The following OXNAD1 variants were observed in gnomAD, a reference collection of about 807,000 sequenced individuals.
The protein encoded by OXNAD1 is oxidoreductase NAD-binding domain-containing protein 1.
Under a neutral mutation model 32.9 loss-of-function variants are expected in OXNAD1, and 34 were observed. The observed-to-expected ratio is 1.03, with a 90% CI of 0.79 to 1.38. The LOEUF (loss-of-function observed/expected upper bound fraction) is 1.38. OXNAD1 is among the 40% of genes most tolerant of loss of function. The pLI is 0.00. For synonymous variants in OXNAD1, 134 were observed against 135.2 expected (o/e 0.99, Z 0.06); for missense variants, 407 against 379.4 (o/e 1.07, Z -0.60).
chr3:16,350,492 C>CT (rs11324617), downstream of OXNAD1, among the ~76,000 whole-genome samples: 3,754 of 146,528 alleles, frequency 0.026, 121 homozygotes, highest in African/African-American at 0.081. Context: ...AGATGAATCA[C>CT]TTTTTTTTTT....
Position 16,329,604 on chromosome 3 carries a change from A to G in OXNAD1, c.*31-7508A>G, listed in dbSNP as rs536365177. ...ATTCCTCCTGCTGGGTGCCACGCTC[A>G]CCACCTGCTGAAGGAGTCCTGAGGC... On this transcript the variant is annotated intron_variant, in intron 9 of 9. Coordinates refer to the OXNAD1 transcript ENST00000435829. This position sits in a 1 kb window ranked among gnomAD's most constrained non-coding sequence, Gnocchi z 4.5. Among the ~76,000 whole-genome samples the G allele has an allele frequency of 2.6e-5, 4 of 152,220 alleles. No individual in the cohort carries two copies. The highest frequency in any genetic ancestry group is 9.6e-5 in the African/African-American group (4 of 41,536).
In OXNAD1 at chr3:16,299,978, G is replaced by T. The variant is rs926871081; in HGVS notation, c.433-1648G>T. 1.3e-5 allele frequency among the ~76,000 whole-genome samples: 2 copies of T among 152,222 alleles called. No individual in the cohort carries two copies. The highest frequency in any genetic ancestry group is 4.8e-5 in the African/African-American group (2 of 41,452). On this transcript the variant is annotated intron_variant, in intron 6 of 8. Coordinates refer to ENST00000285083, the MANE Select transcript of OXNAD1 (RefSeq NM_138381.5). This position sits in a 1 kb window ranked among gnomAD's most constrained non-coding sequence, Gnocchi z 4.4. ...GTTCATGTTCACACCAACCCTGTGA[G>T]GTGGGCAGTGCAGGTGCTGGTACCC... is the stretch of plus-strand genomic sequence containing the variant.
At chr3:16,273,407 CAG>C (rs2065098846) in intron 4 of OXNAD1, among the ~76,000 whole-genome samples, 1 of 109,310 alleles carries the variant, frequency 9.1e-6, no homozygotes, top group Admixed American at 1.1e-4. Context: ...TTTTTTGAGA[CAG>C]AGTCTTGCTC....
chr3:16,338,213 C>G (rs974918513), downstream of OXNAD1, among the ~76,000 whole-genome samples: 29 of 152,348 alleles, frequency 1.9e-4, no homozygotes, highest in African/African-American at 5.5e-4. The surrounding 1 kb of genome is among the most constrained non-coding windows in gnomAD (Gnocchi z 5.3). Context: ...CAGGAGATGG[C>G]ATGCATCCTT....
chr3:16,278,240 T>C (rs1453362431), intron 4 of OXNAD1, among the ~76,000 whole-genome samples: 3 of 152,240 alleles, frequency 2.0e-5, no homozygotes, highest in Non-Finnish European at 4.4e-5. Flanking sequence ...CAGAAGACTT[T>C]ATGCACCTAA....
chr3:16,275,090 T>G (rs1001570487), intron 4 of OXNAD1: 4 of 160,834 alleles, frequency 2.5e-5, no homozygotes, highest in Non-Finnish European at 5.7e-5. Context: ...TGTAAAACAG[T>G]TTTTTATCAT....
At chr3:16,319,949 T>TA (rs11444742) in intron 9 of OXNAD1, among the ~76,000 whole-genome samples, 2,177 of 152,256 alleles carry the variant, frequency 0.014, 65 homozygotes, top group African/African-American at 0.05. Context: ...AAGCCGCAGA[T>TA]AAAACAGGTT....
Position 16,322,342 on chromosome 3 carries a change from G to C in OXNAD1, c.*31-14770G>C, listed in dbSNP as rs1219157453. On this transcript the variant is annotated intron_variant, in intron 9 of 9. Coordinates refer to the OXNAD1 transcript ENST00000435829. This position sits in a 1 kb window ranked among gnomAD's most constrained non-coding sequence, Gnocchi z 6.2. ...CCACAAGTGGGCTCCCCCTGGAGTT[G>C]TTGGCTGGTGAGGGGCTGCTCCAAT... Among the ~76,000 whole-genome samples the C allele has an allele frequency of 1.3e-5, 2 of 152,236 alleles. No individual in the cohort carries two copies. Among genetic ancestry groups the C allele is most frequent in the African/African-American group, 2.4e-5 (1 of 41,470 alleles).
chr3:16,330,082 T>C (rs2070158858), intron 9 of OXNAD1, among the ~76,000 whole-genome samples: 1 of 152,208 alleles, frequency 6.6e-6, no homozygotes, highest in Non-Finnish European at 1.5e-5. Flanking sequence ...GGGTAGGAGA[T>C]GTCAGCCAGA....
rs150823182 is a variant in OXNAD1, at chr3:16,302,821, A to T, written c.784+73A>T. 1 of 1,146,654 alleles carries T rather than the reference A, an allele frequency of 8.7e-7. No individual in the cohort carries two copies. Among genetic ancestry groups the T allele is most frequent in the Non-Finnish European group, 1.3e-6 (1 of 782,146 alleles). The allele number at this position is 1,146,654 out of a possible 1,614,324, so 71.0% of individuals were successfully genotyped here. A position where few individuals can be genotyped will look rare whatever the true frequency, so the allele number is the denominator to read the frequency against. On this transcript the variant is annotated intron_variant, in intron 8 of 8. Coordinates refer to ENST00000285083, the MANE Select transcript of OXNAD1 (RefSeq NM_138381.5). The surrounding 1 kb of genome is among the most constrained non-coding windows in gnomAD (Gnocchi z 4.2). ...GGACACACCAGTTGGTTGAGCGTAGATGCTTTATTGTTGGAAGCTGCTGGC... is the reference window on the plus strand; with the variant it reads ...GGACACACCAGTTGGTTGAGCGTAGTTGCTTTATTGTTGGAAGCTGCTGGC...
rs1255057319 is a variant in OXNAD1, at chr3:16,287,611, T to C, written c.290+1163T>C. ...CCATATTTCCTTTCTGTGGAAATGT[T>C]TGTGTCCTGTGCAAAGCACTGTCTC... On this transcript the variant is annotated intron_variant, in intron 5 of 8. Transcript: ENST00000285083. The surrounding 1 kb of genome is among the most constrained non-coding windows in gnomAD (Gnocchi z 4.8). 2.0e-5 allele frequency among the ~76,000 whole-genome samples: 3 copies of C among 152,228 alleles called. No homozygotes were observed. The highest frequency in any genetic ancestry group is 4.4e-5 in the Non-Finnish European group (3 of 68,034).
Position 16,286,403 on chromosome 3 carries a change from G to T in OXNAD1, c.245G>T (p.Arg82Leu). The T allele has an allele frequency of 2.5e-6, 4 of 1,613,918 alleles. No individual in the cohort carries two copies. Among genetic ancestry groups the T allele is most frequent in the Non-Finnish European group, 3.4e-6 (4 of 1,179,832 alleles). Reference sequence around the variant, plus strand: ...GAGTCACCGTCAGTGAAGAGCCTCCGCTTGCTTGTTGCTGATCAAGACTTT... The same window carrying T: ...GAGTCACCGTCAGTGAAGAGCCTCCTCTTGCTTGTTGCTGATCAAGACTTT... The part of the protein sequence containing the change: ...ASESPSVKSL[R>L]LLVADQDFSF... Residue 82 changes from arginine to leucine, a missense_variant, in exon 5 of 9, where the codon CGC becomes CTC. Arg to Leu is a moderately radical substitution (Grantham distance 102, BLOSUM62 -2). Transcript: ENST00000285083.
At chr3:16,308,128 A>T (rs889508713), downstream of OXNAD1, among the ~76,000 whole-genome samples, 28 of 152,146 alleles carry the variant, frequency 1.8e-4, no homozygotes, top group African/African-American at 6.5e-4. This position sits in a 1 kb window ranked among gnomAD's most constrained non-coding sequence, Gnocchi z 4.4. Flanking sequence ...TTGGGAAACT[A>T]TTTTTTTGTA....
At chr3:16,272,622 GTGTT>G (rs2065028712) in intron 4 of OXNAD1, among the ~76,000 whole-genome samples, 2 of 142,842 alleles carry the variant, frequency 1.4e-5, no homozygotes, top group Non-Finnish European at 3.0e-5. Context: ...TAAGGGTAAT[GTGTT>G]TGTTGATTCA....
chr3:16,325,182 C>T (rs1270155225), intron 9 of OXNAD1, among the ~76,000 whole-genome samples: 1 of 152,198 alleles, frequency 6.6e-6, no homozygotes, highest in Non-Finnish European at 1.5e-5. Context: ...CACATAATGG[C>T]TCATTTAAGC....
Position 16,312,975 on chromosome 3 carries a change from T to TA in OXNAD1, c.*30+9383_*30+9384insA. On this transcript the variant is annotated intron_variant, in intron 9 of 9. Transcript: ENST00000435829. This position sits in a 1 kb window ranked among gnomAD's most constrained non-coding sequence, Gnocchi z 4.7. The stretch of plus-strand genomic sequence containing the variant: ...CTGTTAAGATGGGATATACTACGCT[T>TA]CAGTAGCCAATAAATCTCAAAATCT... Among the ~76,000 whole-genome samples, 1 of 152,274 alleles carries TA rather than the reference T, an allele frequency of 6.6e-6. No individual in the cohort carries two copies. The highest frequency in any genetic ancestry group is 1.9e-4 in the East Asian group (1 of 5,182).
Position 16,301,969 on chromosome 3 carries a change from C to G in OXNAD1, c.675+101C>G. On this transcript the variant is annotated intron_variant, in intron 7 of 8. Transcript: ENST00000285083. The surrounding 1 kb of genome is among the most constrained non-coding windows in gnomAD (Gnocchi z 4.1). ...TTTGTTTTCTCTGCAAAGGTTCAAA[C>G]AAAAGGCTTGGCAAGATTTAATCAT... 1 of 1,442,158 alleles carries G rather than the reference C, an allele frequency of 6.9e-7. No homozygotes were observed. The highest frequency in any genetic ancestry group is 1.4e-5 in the South Asian group (1 of 72,596). The allele number at this position is 1,442,158 out of a possible 1,614,324, so 89.3% of individuals were successfully genotyped here.
intron 9 of OXNAD1, among the ~76,000 whole-genome samples, chr3:16,332,365 C>T (rs1354301179): frequency 6.6e-6 from 1 of 151,426 alleles, no homozygotes; most frequent in East Asian, 1.9e-4. Context: ...TTTAAATTTT[C>T]TGCTGCCCTA....
chr3:16,265,235 A>C lies in OXNAD1; in HGVS notation c.-429A>C. 7.9e-6 allele frequency: 2 copies of C among 253,802 alleles called. No individual in the cohort carries two copies. The highest frequency in any genetic ancestry group is 1.5e-5 in the Non-Finnish European group (2 of 130,008). 15.7% of individuals were successfully genotyped at this position (253,802 alleles called of 1,614,324 possible). ...GAGTATTCCAGGCGCCTGCAACTAAACGTGGCCGGGTCTGCAAGCTAGGTG... is the reference window on the plus strand; with the variant it reads ...GAGTATTCCAGGCGCCTGCAACTAACCGTGGCCGGGTCTGCAAGCTAGGTG... On this transcript the variant is annotated 5_prime_UTR_variant, in exon 1 of 9. Transcript: ENST00000285083. The surrounding 1 kb of genome is among the most constrained non-coding windows in gnomAD (Gnocchi z 4.8).
Sources: allele counts gnomAD v4.1 joint callset (sites outside exome capture counted in the v4.1 genomes callset), GRCh38; gene constraint gnomAD v4.1.1; non-coding constraint Gnocchi (gnomAD v3.1); transcripts MANE v1.5; gene names NCBI Gene and HGNC (gene_info 2026-07-23, HGNC 2026-07-21).